TCF7L2: variants seen among roughly 807,000 people sequenced by gnomAD.
TCF7L2 encodes transcription factor 7 like 2.
A neutral mutation model predicts 77.9 loss-of-function variants in TCF7L2; 23 were observed. The observed-to-expected ratio is 0.30, with a 90% CI of 0.21 to 0.42. The LOEUF (loss-of-function observed/expected upper bound fraction) is 0.42, where lower values mean the gene tolerates loss of function less well. Among genes scored for constraint, TCF7L2 ranks in the 10% least tolerant of loss-of-function variants. TCF7L2 has a pLI of 1.00. For synonymous variants in TCF7L2, 413 were observed against 340.2 expected, an observed-to-expected ratio of 1.21 and a Z score of -2.36; for missense variants, 654 against 793.1, an observed-to-expected ratio of 0.82 and a Z score of 2.11.
chr10:112,956,367 T>A (rs2104597), intron 3 of TCF7L2, among the ~76,000 whole-genome samples: 1,619 of 111,794 alleles, frequency 0.014, 29 homozygotes, highest in African/African-American at 0.042. Context: ...TTTTTTTTTT[T>A]AAATGCTGGA....
In TCF7L2 at chr10:113,052,060, C is replaced by T. The variant is rs145530374; in HGVS notation, c.552+11934C>T. The stretch of plus-strand genomic sequence containing the variant: ...GAAAATTGGTGGCAAGCTGAGCATA[C>T]AGTTGTTTATTTCTGTTTGACTGAT... On this transcript the variant is annotated intron_variant, in intron 5 of 13. Transcript: ENST00000627217. Among the ~76,000 whole-genome samples the T allele has an allele frequency of 4.9e-4, 75 of 152,248 alleles. 1 individual carries two copies. The East Asian group carries it at 0.014, about 29-fold the overall frequency.
intron 5 of TCF7L2, among the ~76,000 whole-genome samples, chr10:113,115,200 C>G (rs1441395399): frequency 6.6e-6 from 1 of 152,130 alleles, no homozygotes; most frequent in Admixed American, 6.6e-5. Flanking sequence ...TCACAGGAAT[C>G]CTTTTAATAT....
chr10:113,158,578 C>A (rs2137383621), intron 12 of TCF7L2, 89 bp from the exon 13 acceptor site: 1 of 1,319,640 alleles, frequency 7.6e-7, no homozygotes, highest in East Asian at 2.3e-5. Context: ...CATAGGCAAT[C>A]TCAGAGGTCC....
In TCF7L2 at chr10:113,144,120, GTGTGTGTGTGTGTGTGTA is replaced by G. The variant is rs1035025094; in HGVS notation, c.788+107_788+124del. ...TGTGTCTGTGTGTGTGTGTGTGTGT[GTGTGTGTGTGTGTGTGTA>G]TGTGTGTGTGTTAGAAGCCAGGGTT... On this transcript the variant is annotated intron_variant, in intron 7 of 13. Coordinates refer to ENST00000627217, the MANE Select transcript of TCF7L2 (RefSeq NM_001146274.2). The G allele has an allele frequency of 1.7e-5, 16 of 958,194 alleles. No individual in the cohort carries two copies. In the African/African-American group the frequency reaches 2.2e-4, roughly 13 times the overall value. 59.4% of individuals were successfully genotyped at this position (958,194 alleles called of 1,614,324 possible). A position where few individuals can be genotyped will look rare whatever the true frequency, so the allele number is the denominator to read the frequency against.
intron 4 of TCF7L2, among the ~76,000 whole-genome samples, chr10:113,030,048 A>T (rs975717593): frequency 6.6e-6 from 1 of 152,120 alleles, no homozygotes; most frequent in Admixed American, 6.6e-5. Context: ...CCCCAAAAGA[A>T]ACACTGTAAC....
chr10:113,010,320 G>C (rs1355238239), intron 4 of TCF7L2, among the ~76,000 whole-genome samples: 3 of 152,124 alleles, frequency 2.0e-5, no homozygotes, highest in Admixed American at 2.0e-4. Flanking sequence ...CCAATGTGCT[G>C]CACATTAGGT....
chr10:113,126,305 G>T (rs2065593356), intron 5 of TCF7L2, among the ~76,000 whole-genome samples: 1 of 152,134 alleles, frequency 6.6e-6, no homozygotes, highest in South Asian at 2.1e-4. Context: ...GAAAACTTTG[G>T]AGTGAAGTGG....
intron 5 of TCF7L2, among the ~76,000 whole-genome samples, chr10:113,083,033 C>G (rs1453938019): frequency 2.0e-5 from 3 of 152,034 alleles, no homozygotes. Flanking sequence ...GTTTTGCCTT[C>G]TGTTTGGAGC....
At position 112,966,184 on chromosome 10, in the gene TCF7L2, T is replaced by TTATATATATATATATATA. The variant is rs141060651; in HGVS notation, c.450+1570_450+1587dup. Among the ~76,000 whole-genome samples, 159 of 114,176 alleles carry TTATATATATATATATATA rather than the reference T, an allele frequency of 1.4e-3. 3 individuals carry two copies. The highest frequency in any genetic ancestry group is 6.5e-3 in the African/African-American group (137 of 20,966). The allele number at this position is 114,176 out of a possible 152,430, so 74.9% of individuals were successfully genotyped here. The stretch of plus-strand genomic sequence containing the variant: ...GAGTGAGACTCTGTCTAAAATATAT[T>TTATATATATATATATATA]TATATATATATATATATATATATAT... On this transcript the variant is annotated intron_variant, in intron 4 of 13. Transcript: ENST00000627217.
chr10:113,004,229 C>T (rs551589865), intron 4 of TCF7L2, among the ~76,000 whole-genome samples: 1 of 152,282 alleles, frequency 6.6e-6, no homozygotes, highest in African/African-American at 2.4e-5. Flanking sequence ...GTGTGAGCCA[C>T]TGTGGAGAGA....
chr10:112,962,031 T>C (rs1394450010), intron 3 of TCF7L2, among the ~76,000 whole-genome samples: 1 of 152,182 alleles, frequency 6.6e-6, no homozygotes, highest in African/African-American at 2.4e-5. Flanking sequence ...TCTAGGATTG[T>C]TGGTGTTATT....
In TCF7L2 at chr10:113,047,112, A is replaced by G. The variant is rs367798679; in HGVS notation, c.552+6986A>G. On this transcript the variant is annotated intron_variant, in intron 5 of 13. Coordinates refer to ENST00000627217, the MANE Select transcript of TCF7L2 (RefSeq NM_001146274.2). ...TCTCCTTTTGTTTCTGCTACTGTGA[A>G]TGATCCTGTGATGATCATCTTTGTG... Among the ~76,000 whole-genome samples the G allele has an allele frequency of 1.7e-4, 26 of 152,274 alleles. No homozygotes were observed. In the East Asian group the frequency reaches 1.7e-3, roughly 10 times the overall value.
At chr10:113,138,731 A>G (rs1037162698) in intron 5 of TCF7L2, among the ~76,000 whole-genome samples, 2 of 152,214 alleles carry the variant, frequency 1.3e-5, no homozygotes, top group Non-Finnish European at 2.9e-5. Context: ...ATCAGAACCC[A>G]TGGCTCTTTG....
chr10:113,141,393 A>AC, intron 6 of TCF7L2, 77 bp downstream of exon 6: 1 of 1,594,328 alleles, frequency 6.3e-7, no homozygotes, highest in Non-Finnish European at 8.6e-7. Context: ...CTCCACAGGA[A>AC]CCCCAGGGGT....
At chr10:113,147,876 C>T (rs2069820608) in intron 8 of TCF7L2, among the ~76,000 whole-genome samples, 2 of 151,964 alleles carry the variant, frequency 1.3e-5, no homozygotes, top group Admixed American at 1.3e-4. Flanking sequence ...GGAGGAAAGG[C>T]AGGGAACGTC....
chr10:113,003,387 C>A (rs1272497803), intron 4 of TCF7L2, among the ~76,000 whole-genome samples: 1 of 152,184 alleles, frequency 6.6e-6, no homozygotes, highest in Non-Finnish European at 1.5e-5. Flanking sequence ...CCAGTAGTGT[C>A]TGCTTTGTAG....
At chr10:113,018,514 C>T (rs1389096669) in intron 4 of TCF7L2, among the ~76,000 whole-genome samples, 2 of 136,286 alleles carry the variant, frequency 1.5e-5, no homozygotes, top group African/African-American at 5.7e-5. Context: ...GTGACGCGGT[C>T]TCGGCTCACT....
At chr10:113,097,375 G>A (rs924378705) in intron 5 of TCF7L2, among the ~76,000 whole-genome samples, 2 of 152,138 alleles carry the variant, frequency 1.3e-5, no homozygotes, top group African/African-American at 2.4e-5. Context: ...TGAGGAGGCC[G>A]GGCACGGTGG....
chr10:113,012,445 G>A (rs1406543506), intron 4 of TCF7L2, among the ~76,000 whole-genome samples: 1 of 152,164 alleles, frequency 6.6e-6, no homozygotes. Flanking sequence ...GGGTTCAGAG[G>A]ACAGCAGTGT....
Sources: allele counts gnomAD v4.1 joint callset (sites outside exome capture counted in the v4.1 genomes callset), GRCh38; gene constraint gnomAD v4.1.1; transcripts MANE v1.5; gene names NCBI Gene and HGNC (gene_info 2026-07-23, HGNC 2026-07-21).